The following CCNC variants were observed in gnomAD, a reference collection of about 807,000 sequenced individuals.
CCNC encodes the protein cyclin C.
CCNC carries 19 observed loss-of-function variants against 50.0 expected under a neutral mutation model. That is an observed-to-expected ratio of 0.38 (90% CI 0.27 to 0.56). CCNC has a LOEUF of 0.56. CCNC is among the 20% of genes least tolerant of loss of function. CCNC has a pLI of 0.72. For synonymous variants in CCNC, 93 were observed against 103.7 expected, an observed-to-expected ratio of 0.90 and a Z score of 0.63; for missense variants, 200 against 327.1, an observed-to-expected ratio of 0.61 and a Z score of 3.00.
intron 8 of CCNC, 116 bp downstream of exon 8, chr6:99,550,102 A>C (rs997022878): frequency 2.9e-6 from 2 of 685,148 alleles, no homozygotes; most frequent in Non-Finnish European, 4.8e-6. Context: ...TTTGCTCAAC[A>C]TAAAATATCT....
At chr6:99,561,228 ATTTC>A (rs1802767882) in intron 4 of CCNC, 135 bp downstream of exon 4, 1 of 680,106 alleles carries the variant, frequency 1.5e-6, no homozygotes, top group Non-Finnish European at 2.7e-6. Context: ...ATATGTATAT[ATTTC>A]TTTGATTTTG....
intron 4 of CCNC, among the ~76,000 whole-genome samples, chr6:99,560,016 G>A (rs747089662): frequency 1.1e-4 from 17 of 151,934 alleles, no homozygotes; most frequent in African/African-American, 2.7e-4. Flanking sequence ...CACTACACCC[G>A]GCCTAGGAAT....
intron 10 of CCNC, among the ~76,000 whole-genome samples, chr6:99,546,020 G>A (rs185050049): frequency 1.7e-4 from 26 of 151,586 alleles, no homozygotes; most frequent in African/African-American, 4.8e-4. Flanking sequence ...CCAGGCTCGC[G>A]TGCAGTGGCA....
At chr6:99,549,688 T>C (rs956932894) in intron 8 of CCNC, 113 bp from the exon 9 acceptor site, 4 of 668,184 alleles carry the variant, frequency 6.0e-6, no homozygotes, top group Non-Finnish European at 1.1e-5. Context: ...TTTCCTTTTA[T>C]ACTACTGAAG....
chr6:99,549,704 C>A, intron 8 of CCNC, 129 bp from the exon 9 acceptor site: 1 of 572,234 alleles, frequency 1.7e-6, no homozygotes. Flanking sequence ...TGAAGCACAG[C>A]TATAAAAGTG....
Position 99,549,260 on chromosome 6 carries a change from C to A in CCNC, c.598+248G>T, listed in dbSNP as rs1015234925. 40 of 554,860 alleles carry A rather than the reference C, an allele frequency of 7.2e-5. No individual in the cohort carries two copies. In the East Asian group the frequency reaches 1.2e-3, roughly 16 times the overall value. 34.4% of individuals were successfully genotyped at this position (554,860 alleles called of 1,614,324 possible). ...AACAAACAAATATGTTCTATTCAGA[C>A]ACCGATTAAAACTATTTTGAATGGT... On this transcript the variant is annotated intron_variant, in intron 9 of 11. Transcript: ENST00000520429.
chr6:99,565,880 G>A (rs1769099501), intron 1 of CCNC, among the ~76,000 whole-genome samples: 1 of 152,014 alleles, frequency 6.6e-6, no homozygotes, highest in Non-Finnish European at 1.5e-5. Flanking sequence ...ATTCAAAAGT[G>A]AGACTGTTTT....
At chr6:99,557,293 A>AT (rs1392479010) in intron 5 of CCNC, 2 of 151,626 alleles carry the variant, frequency 1.3e-5, no homozygotes, top group Admixed American at 1.3e-4. Context: ...AATTCCTTGT[A>AT]TTTTACCTTG....
intron 9 of CCNC, among the ~76,000 whole-genome samples, chr6:99,547,499 T>TG (rs1802114570): frequency 6.8e-6 from 1 of 147,656 alleles, no homozygotes; most frequent in African/African-American, 2.5e-5. Context: ...AAAAAAAAAA[T>TG]GAGAGTGGGA....
intron 1 of CCNC, chr6:99,567,132 G>A: frequency 4.6e-6 from 1 of 218,060 alleles, no homozygotes; most frequent in African/African-American, 2.4e-5. Context: ...TTTTTAGAAT[G>A]CTATGAATAA....
chr6:99,568,462 C>A (rs1472444117), intron 1 of CCNC, 34 bp downstream of exon 1: 1 of 1,606,554 alleles, frequency 6.2e-7, no homozygotes, highest in Admixed American at 1.7e-5. Context: ...CCCCCAAAAA[C>A]CGGCCCCAGG....
intron 5 of CCNC, chr6:99,558,209 C>T (rs1802621736): frequency 2.5e-6 from 1 of 398,940 alleles, no homozygotes; most frequent in Admixed American, 4.3e-5. Flanking sequence ...AATTCGGAAA[C>T]AGAATTTTTT....
chr6:99,561,466 C>G, intron 3 of CCNC, 30 bp from the exon 4 acceptor site: 3 of 1,471,136 alleles, frequency 2.0e-6, no homozygotes, highest in Non-Finnish European at 2.8e-6. Context: ...AGTTAAATAT[C>G]ATTCATACAG....
intron 1 of CCNC, among the ~76,000 whole-genome samples, chr6:99,564,422 C>CAAAA (rs11345511): frequency 2.1e-5 from 2 of 97,142 alleles, no homozygotes; most frequent in Non-Finnish European, 2.0e-5. Context: ...GAGACTCTGT[C>CAAAA]AAAAAAAAAA....
At chr6:99,549,758 A>G in intron 8 of CCNC, 183 bp from the exon 9 acceptor site, 1 of 456,286 alleles carries the variant, frequency 2.2e-6, no homozygotes, top group Non-Finnish European at 3.9e-6. Flanking sequence ...GTGACAACAA[A>G]TAAGCACATA....
rs35305967 is a variant in CCNC at position 99,558,861 on chromosome 6, T to G, written c.295-313A>C. Among the ~76,000 whole-genome samples, 1,258 of 152,304 alleles carry G rather than the reference T, an allele frequency of 8.3e-3. 6 individuals are homozygous for G. Among genetic ancestry groups the G allele is most frequent in the South Asian group, 0.019 (91 of 4,826 alleles). ...GTTGGCCCTCAAAACGTTTCAAATT[T>G]TGGAGCATTTAGGATTTTCAGATTA... On this transcript the variant is annotated intron_variant, in intron 4 of 11. Transcript: ENST00000520429.
chr6:99,550,964 A>G, intron 7 of CCNC, 29 bp downstream of exon 7: 1 of 966,758 alleles, frequency 1.0e-6, no homozygotes, highest in Non-Finnish European at 1.5e-6. Flanking sequence ...AAAATGTTTT[A>G]ATCTATTAAT....
At chr6:99,567,034 T>C (rs1283342457) in intron 1 of CCNC, 2 of 417,342 alleles carry the variant, frequency 4.8e-6, no homozygotes, top group Non-Finnish European at 9.4e-6. Flanking sequence ...TCCCTTCTTT[T>C]AGGACTATTT....
intron 1 of CCNC, among the ~76,000 whole-genome samples, chr6:99,565,196 G>A (rs1053849004): frequency 6.6e-6 from 1 of 151,912 alleles, no homozygotes; most frequent in African/African-American, 2.4e-5. Context: ...ATTATGTCGA[G>A]TCCTAAAAAA....
Sources: allele counts gnomAD v4.1 joint callset (sites outside exome capture counted in the v4.1 genomes callset), GRCh38; gene constraint gnomAD v4.1.1; transcripts MANE v1.5; gene names NCBI Gene and HGNC (gene_info 2026-07-23, HGNC 2026-07-21).